PRUNE2: variants seen among roughly 807,000 people sequenced by gnomAD.
The protein encoded by PRUNE2 is protein prune homolog 2.
A neutral mutation model predicts 252.0 loss-of-function variants in PRUNE2; 164 were observed. That is an observed-to-expected ratio of 0.65 (90% CI 0.57 to 0.74). The LOEUF is 0.74. Among genes scored for constraint, PRUNE2 ranks in the 30% least tolerant of loss-of-function variants. The pLI, the probability that PRUNE2 is intolerant of heterozygous loss-of-function variation, is 0.00. For synonymous variants in PRUNE2, 1,292 were observed against 1,350.2 expected (o/e 0.96, Z 0.94); for missense variants, 3,495 against 3,711.0 (o/e 0.94, Z 1.51).
chr9:76,886,997 A>G (rs2062141314), intron 1 of PRUNE2, among the ~76,000 whole-genome samples: 2 of 152,232 alleles, frequency 1.3e-5, no homozygotes, highest in Non-Finnish European at 2.9e-5. Flanking sequence ...ACATAGTCTA[A>G]GAGCTTTACA....
At chr9:76,742,099 C>T (rs914601584) in intron 6 of PRUNE2, among the ~76,000 whole-genome samples, 3 of 152,130 alleles carry the variant, frequency 2.0e-5, no homozygotes, top group Non-Finnish European at 2.9e-5. Context: ...AGGAGGATTA[C>T]ATAATCCTGT....
At chr9:76,796,990 C>T (rs1235592460) in intron 6 of PRUNE2, among the ~76,000 whole-genome samples, 2 of 152,100 alleles carry the variant, frequency 1.3e-5, no homozygotes, top group African/African-American at 2.4e-5. Flanking sequence ...CTGACCAATA[C>T]ACCCATTTAC....
At chr9:76,841,270 C>T (rs1367638016) in intron 4 of PRUNE2, among the ~76,000 whole-genome samples, 2 of 152,168 alleles carry the variant, frequency 1.3e-5, no homozygotes, top group Non-Finnish European at 2.9e-5. Flanking sequence ...CCATGAGGAA[C>T]GGGGCATTCC....
intron 11 of PRUNE2, among the ~76,000 whole-genome samples, chr9:76,649,418 C>G (rs1341709527): frequency 6.6e-6 from 1 of 152,088 alleles, no homozygotes; most frequent in African/African-American, 2.4e-5. Flanking sequence ...AACCTCATCT[C>G]TACAAAAAAA....
intron 9 of PRUNE2, among the ~76,000 whole-genome samples, chr9:76,669,794 C>T (rs780992983): frequency 7.2e-5 from 11 of 152,178 alleles, no homozygotes; most frequent in Non-Finnish European, 1.2e-4. Flanking sequence ...GAAAGGGATG[C>T]ACCCCAGTAC....
At chr9:76,820,928 C>T (rs1406849576) in intron 6 of PRUNE2, among the ~76,000 whole-genome samples, 1 of 152,110 alleles carries the variant, frequency 6.6e-6, no homozygotes, top group East Asian at 1.9e-4. Flanking sequence ...TAAGTATTAA[C>T]TAAATATTTG....
At chr9:76,904,383 C>T (rs2063355892) in intron 1 of PRUNE2, among the ~76,000 whole-genome samples, 1 of 152,096 alleles carries the variant, frequency 6.6e-6, no homozygotes, top group Non-Finnish European at 1.5e-5. Context: ...TCATATCAGA[C>T]CCCACAGTCT....
intron 17 of PRUNE2, among the ~76,000 whole-genome samples, chr9:76,620,194 C>T (rs1399661701): frequency 1.3e-5 from 2 of 149,782 alleles, no homozygotes; most frequent in Non-Finnish European, 2.9e-5. Flanking sequence ...GGCTGAAGTG[C>T]AGTGGCACTA....
chr9:76,768,564 GATAT>G (rs1186985207), intron 6 of PRUNE2, among the ~76,000 whole-genome samples: 1 of 128,406 alleles, frequency 7.8e-6, no homozygotes, highest in Non-Finnish European at 1.7e-5. Context: ...TCTTTGGGTT[GATAT>G]ATATATGTAT....
intron 15 of PRUNE2, among the ~76,000 whole-genome samples, chr9:76,629,544 T>G (rs557252157): frequency 1.3e-5 from 2 of 152,322 alleles, no homozygotes; most frequent in South Asian, 4.1e-4. Context: ...TTCTGAAATA[T>G]GTATACGTTG....
chr9:76,780,827 A>G (rs1310175932), intron 6 of PRUNE2, among the ~76,000 whole-genome samples: 1 of 152,228 alleles, frequency 6.6e-6, no homozygotes, highest in African/African-American at 2.4e-5. Flanking sequence ...CAGCTCCTCC[A>G]TCGTATCGGG....
chr9:76,826,271 C>T (rs1220533629), intron 5 of PRUNE2, among the ~76,000 whole-genome samples: 2 of 152,074 alleles, frequency 1.3e-5, no homozygotes, highest in African/African-American at 2.4e-5. Flanking sequence ...GCCAGGAGTT[C>T]GAGACCAGCC....
intron 15 of PRUNE2, among the ~76,000 whole-genome samples, chr9:76,635,118 C>G (rs1365806491): frequency 6.6e-6 from 1 of 152,080 alleles, no homozygotes; most frequent in Non-Finnish European, 1.5e-5. Flanking sequence ...TATAGGCACA[C>G]CACCACCATG....
intron 9 of PRUNE2, among the ~76,000 whole-genome samples, chr9:76,691,655 T>C (rs937712990): frequency 6.6e-6 from 1 of 152,208 alleles, no homozygotes; most frequent in Admixed American, 6.5e-5. Flanking sequence ...CTACCAGAGC[T>C]GTCCTGCTTG....
chr9:76,837,113 A>G (rs2059027759), intron 4 of PRUNE2, among the ~76,000 whole-genome samples: 1 of 151,074 alleles, frequency 6.6e-6, no homozygotes. Flanking sequence ...GGAGCAGAAA[A>G]TGAGGTTGCT....
Position 76,705,084 on chromosome 9 carries a change from T to C in PRUNE2, c.7190A>G (p.Asp2397Gly), listed in dbSNP as rs143314361. 4.8e-4 allele frequency: 770 copies of C among 1,613,966 alleles called. 1 individual carries two copies. In the African/African-American group the frequency reaches 8.8e-3, roughly 18 times the overall value. Reference protein sequence around the residue: ...QSLAPYTPPFDLSYLTEPAQS... With the variant: ...QSLAPYTPPFGLSYLTEPAQS... ...GGCAGGTTCTGTGAGATAAGACAAATCAAAGGGAGGTGTGTACGGTGCCAG... is the reference window on the plus strand; with the variant it reads ...GGCAGGTTCTGTGAGATAAGACAAACCAAAGGGAGGTGTGTACGGTGCCAG... Residue 2397 changes from aspartate to glycine, a missense_variant, in exon 8 of 19, where the codon GAT (aspartate) becomes GGT (glycine). Transcript: ENST00000376718.
intron 11 of PRUNE2, chr9:76,645,166 C>T: frequency 5.4e-6 from 2 of 370,344 alleles, no homozygotes; most frequent in East Asian, 4.8e-5. Context: ...TAAGGCCATG[C>T]TGAGGGGGAG....
chr9:76,746,289 A>G (rs1437807781), intron 6 of PRUNE2, among the ~76,000 whole-genome samples: 1 of 152,188 alleles, frequency 6.6e-6, no homozygotes, highest in African/African-American at 2.4e-5. Flanking sequence ...GCATTATTAG[A>G]GGCTTGGGAC....
In PRUNE2 at chr9:76,703,916, C is replaced by T. The variant is rs759991745; in HGVS notation, c.7697G>A (p.Cys2566Tyr). 3.7e-6 allele frequency: 6 copies of T among 1,613,626 alleles called. No homozygotes were observed. Among genetic ancestry groups the T allele is most frequent in the Non-Finnish European group, 5.1e-6 (6 of 1,179,888 alleles). Residue 2566 changes from cysteine to tyrosine, a missense_variant, in exon 9 of 19, where the codon TGT (cysteine) becomes TAT (tyrosine). By Grantham distance (194) the Cys-to-Tyr change is radical. Transcript: ENST00000376718. ...EENSHSKPET[C>Y]EERESIAELE... Reference sequence around the variant, plus strand: ...TTCAGCTATGCTTTCTCTTTCTTCACAGGTCTCTGGCTTTGAGTGTGAATT... The same window carrying T: ...TTCAGCTATGCTTTCTCTTTCTTCATAGGTCTCTGGCTTTGAGTGTGAATT...
Sources: allele counts gnomAD v4.1 joint callset (sites outside exome capture counted in the v4.1 genomes callset), GRCh38; gene constraint gnomAD v4.1.1; transcripts MANE v1.5; gene names NCBI Gene and HGNC (gene_info 2026-07-23, HGNC 2026-07-21).